GRM1: variants seen among roughly 807,000 people sequenced by gnomAD.
GRM1 encodes the protein glutamate metabotropic receptor 1, also known as metabotropic glutamate receptor 1.
Under a neutral mutation model 90.9 loss-of-function variants are expected in GRM1, and 33 were observed. The ratio of observed to expected loss-of-function variants is 0.36; its 90% CI spans 0.28 to 0.49. The LOEUF (loss-of-function observed/expected upper bound fraction) is 0.49. Ranked by LOEUF, GRM1 falls within the 20% of genes least tolerant of loss-of-function variation. The pLI, the probability that GRM1 is intolerant of heterozygous loss-of-function variation, is 0.99. For synonymous variants in GRM1, 700 were observed against 613.2 expected (o/e 1.14, Z -2.09); for missense variants, 1,190 against 1,534.3 (o/e 0.78, Z 3.75).
intron 1 of GRM1, among the ~76,000 whole-genome samples, chr6:146,040,015 G>C (rs894505221): frequency 1.3e-5 from 2 of 151,932 alleles, no homozygotes; most frequent in African/African-American, 4.8e-5. Flanking sequence ...AAAATATCTG[G>C]TTAAAACCAT....
At chr6:146,280,671 T>G (rs911738898) in intron 2 of GRM1, among the ~76,000 whole-genome samples, 10 of 152,108 alleles carry the variant, frequency 6.6e-5, no homozygotes, top group Admixed American at 2.0e-4. Flanking sequence ...CAGGCAGGAG[T>G]GCAGTGGCAT....
chr6:146,317,634 C>G (rs1784023180), intron 3 of GRM1, among the ~76,000 whole-genome samples: 1 of 152,174 alleles, frequency 6.6e-6, no homozygotes, highest in Non-Finnish European at 1.5e-5. Context: ...ATTTCTCATT[C>G]ATGCAACATG....
At chr6:146,329,434 C>CA (rs1220531319) in intron 3 of GRM1, among the ~76,000 whole-genome samples, 2 of 152,094 alleles carry the variant, frequency 1.3e-5, no homozygotes, top group Non-Finnish European at 2.9e-5. Flanking sequence ...AGGTCATGAG[C>CA]AGTTAGGATC....
chr6:146,374,520 G>A (rs192888196), intron 5 of GRM1, among the ~76,000 whole-genome samples: 27 of 152,120 alleles, frequency 1.8e-4, no homozygotes, highest in Admixed American at 1.0e-3. Context: ...ACTGGGAGAC[G>A]TTTTATTACG....
chr6:146,030,260 G>A (rs780470512), intron 1 of GRM1, 43 bp downstream of exon 1: 4 of 1,271,370 alleles, frequency 3.1e-6, no homozygotes, highest in Non-Finnish European at 4.6e-6. Context: ...AGAAAGTCAG[G>A]GCAATGCATG....
At chr6:146,155,361 C>A (rs138563605) in intron 1 of GRM1, among the ~76,000 whole-genome samples, 54 of 152,206 alleles carry the variant, frequency 3.5e-4, no homozygotes, top group African/African-American at 1.3e-3. Flanking sequence ...TCATGCTGTT[C>A]AGGTTTGTAG....
intron 2 of GRM1, among the ~76,000 whole-genome samples, chr6:146,175,151 G>T (rs181583276): frequency 2.7e-3 from 413 of 152,336 alleles, no homozygotes; most frequent in African/African-American, 9.1e-3. Context: ...TGAACACAAG[G>T]AGGCAGGATC....
At chr6:146,219,334 CA>C (rs1004361763) in intron 2 of GRM1, among the ~76,000 whole-genome samples, 4 of 152,070 alleles carry the variant, frequency 2.6e-5, no homozygotes, top group Non-Finnish European at 5.9e-5. Flanking sequence ...ATAAAGCCAC[CA>C]GGGGGTGAGA....
intron 7 of GRM1, among the ~76,000 whole-genome samples, chr6:146,410,085 A>T (rs999192082): frequency 6.6e-6 from 1 of 152,202 alleles, no homozygotes. Context: ...TTAGATGGGT[A>T]TGAAAAAATA....
rs35104475 is a variant in GRM1, at chr6:146,215,758, C to CT, written c.950+56177dup. Among the ~76,000 whole-genome samples the CT allele has an allele frequency of 2.2e-3, 303 of 140,440 alleles. 1 individual carries two copies. The highest frequency in any genetic ancestry group is 6.5e-3 in the East Asian group (32 of 4,902). 92.1% of individuals were successfully genotyped at this position (140,440 alleles called of 152,430 possible). On this transcript the variant is annotated intron_variant, in intron 2 of 7. Transcript: ENST00000282753. ...TATATACCTATTGTGTATCCACAAACTTTTTTTTTTTTTTTTGAGACAGAG... is the reference window on the plus strand; with the variant it reads ...TATATACCTATTGTGTATCCACAAACTTTTTTTTTTTTTTTTTGAGACAGAG...
chr6:146,313,637 G>A (rs1254668617), intron 3 of GRM1, among the ~76,000 whole-genome samples: 2 of 152,100 alleles, frequency 1.3e-5, no homozygotes, highest in African/African-American at 4.8e-5. Context: ...TTCAGGATGG[G>A]TGTGACCCAT....
chr6:146,245,451 G>A (rs1346454637), intron 2 of GRM1, among the ~76,000 whole-genome samples: 2 of 152,134 alleles, frequency 1.3e-5, no homozygotes, highest in African/African-American at 4.8e-5. Context: ...AATATTCTAT[G>A]TGCTTAAAAA....
At chr6:146,229,842 T>C (rs1170327882) in intron 2 of GRM1, among the ~76,000 whole-genome samples, 1 of 152,182 alleles carries the variant, frequency 6.6e-6, no homozygotes, top group Non-Finnish European at 1.5e-5. Flanking sequence ...CATTTAGTGC[T>C]CACAACAGAC....
intron 2 of GRM1, among the ~76,000 whole-genome samples, chr6:146,197,758 G>T (rs1779170337): frequency 6.6e-6 from 1 of 152,158 alleles, no homozygotes; most frequent in African/African-American, 2.4e-5. Flanking sequence ...ATGAAAAACA[G>T]CATATTTACC....
At chr6:146,288,074 C>CT (rs766100922) in intron 2 of GRM1, among the ~76,000 whole-genome samples, 5 of 152,274 alleles carry the variant, frequency 3.3e-5, no homozygotes, top group Non-Finnish European at 7.3e-5. Flanking sequence ...GATCTGGGTA[C>CT]TTGGTCAATG....
chr6:146,242,540 C>T (rs1054383631), intron 2 of GRM1, among the ~76,000 whole-genome samples: 5 of 152,144 alleles, frequency 3.3e-5, no homozygotes, highest in Admixed American at 6.5e-5. Flanking sequence ...AATGGTTAAA[C>T]ATTTTCCAGT....
chr6:146,156,403 G>A lies in GRM1; in HGVS notation c.701-2945G>A, dbSNP rs532776520. On this transcript the variant is annotated intron_variant, in intron 1 of 7. Coordinates refer to ENST00000282753, the MANE Select transcript of GRM1 (RefSeq NM_001278064.2). ...CCTGGGCGACCAAGAGTGAGACTCC[G>A]GCTCAAAAGAAAAAAAGAAAGTAGG... is the stretch of plus-strand genomic sequence containing the variant. Among the ~76,000 whole-genome samples the A allele has an allele frequency of 6.0e-4, 91 of 152,134 alleles. No individual in the cohort carries two copies. The South Asian group carries it at 6.9e-3, about 11-fold the overall frequency.
In GRM1 at chr6:146,126,289, A is replaced by G. The variant is rs552305148; in HGVS notation, c.701-33059A>G. ...TTCATATTGATGACATAATATTTCT[A>G]AAGTAGAGAAAAATATAAAGGAAAG... On this transcript the variant is annotated intron_variant, in intron 1 of 7. Coordinates refer to ENST00000282753, the MANE Select transcript of GRM1 (RefSeq NM_001278064.2). Among the ~76,000 whole-genome samples the G allele has an allele frequency of 8.5e-5, 13 of 152,262 alleles. No homozygotes were observed. The South Asian group carries it at 2.7e-3, about 32-fold the overall frequency.
chr6:146,333,819 G>A (rs569985691), intron 3 of GRM1, among the ~76,000 whole-genome samples: 5 of 152,098 alleles, frequency 3.3e-5, no homozygotes, highest in Non-Finnish European at 5.9e-5. Flanking sequence ...TTTATGAGCT[G>A]TCACAGCCCA....
Sources: gnomAD v4.1 joint callset for allele counts (sites outside exome capture counted in the v4.1 genomes callset) on GRCh38, gnomAD v4.1.1 for gene constraint, MANE v1.5 for transcripts, NCBI Gene and HGNC (gene_info 2026-07-23, HGNC 2026-07-21) for gene names.